REX1BD: variants seen among roughly 807,000 people sequenced by gnomAD.
REX1BD encodes the protein required for excision 1-B domain containing.
REX1BD carries 22 observed loss-of-function variants against 24.4 expected under a neutral mutation model. That is an observed-to-expected ratio of 0.90 (90% CI 0.64 to 1.29). The LOEUF (loss-of-function observed/expected upper bound fraction) is 1.29, where lower values mean the gene tolerates loss of function less well. REX1BD is among the 50% of genes most tolerant of loss of function. The pLI is 0.00. For synonymous variants in REX1BD, 146 were observed against 125.9 expected (o/e 1.16, Z -1.07); for missense variants, 293 against 285.3 (o/e 1.03, Z -0.19).
rs1975971894 is a variant in REX1BD at position 18,588,834 on chromosome 19, C to CCG, written c.34_35insGC (p.Pro12ArgfsTer59). ...CCGAGACCGCGGCGGAGCCTACGGT[C>CCG]CCTGCAGTGCCTGCTGCTGAGGAGG... On this transcript the variant is annotated frameshift_variant, in exon 1 of 5. Transcript: ENST00000358607. LOFTEE classifies it high-confidence loss of function. The CCG allele has an allele frequency of 6.5e-7, 1 of 1,533,194 alleles. No individual in the cohort carries two copies. The highest frequency in any genetic ancestry group is 1.2e-5 in the South Asian group (1 of 83,880). 95.0% of individuals were successfully genotyped at this position (1,533,194 alleles called of 1,614,324 possible).
At chr19:18,590,212 G>GTTTTTT (rs1491275825) in intron 3 of REX1BD, 1 of 69,792 alleles carries the variant, frequency 1.4e-5, no homozygotes, top group Non-Finnish European at 2.4e-5. Context: ...TTTCTTTCTG[G>GTTTTTT]TGTTTTTTTT....
rs3170474 is a variant in REX1BD, at chr19:18,592,267, T to C, written c.*87T>C. On this transcript the variant is annotated 3_prime_UTR_variant, in exon 5 of 5. Coordinates refer to ENST00000358607, the MANE Select transcript of REX1BD (RefSeq NM_001100418.2). ...GCCCTAACTGCCAGCTGGCTGGGGT[T>C]GCGCCCCACTGCGCTGCTGACCTTC... The C allele has an allele frequency of 0.59, 887,301 of 1,491,874 alleles. 263,237 individuals carry two copies. The highest frequency in any genetic ancestry group is 0.73 in the African/African-American group (52,825 of 72,638). The allele number at this position is 1,491,874 out of a possible 1,614,324, so 92.4% of individuals were successfully genotyped here. A position where few individuals can be genotyped will look rare whatever the true frequency, so the allele number is the denominator to read the frequency against.
intron 2 of REX1BD, 115 bp from the exon 3 acceptor site, chr19:18,589,298 C>G (rs1290519317): frequency 6.5e-7 from 1 of 1,541,388 alleles, no homozygotes; most frequent in African/African-American, 1.4e-5. Flanking sequence ...TCTCTCTCCT[C>G]CCCAAGAGCA....
At chr19:18,590,588 C>A in intron 3 of REX1BD, 1 of 392,646 alleles carries the variant, frequency 2.5e-6, no homozygotes, top group Non-Finnish European at 4.6e-6. Context: ...CCCACCCCTA[C>A]GGCCAATGCC....
rs537150436 is a variant in REX1BD, at chr19:18,588,895, C to A, written c.94C>A (p.Pro32Thr). The change falls in exon 1 of 5, where the codon CCC (proline) becomes ACC (threonine). Residue 32 changes from proline (P) to threonine (T), a missense_variant. Coordinates refer to ENST00000358607, the MANE Select transcript of REX1BD (RefSeq NM_001100418.2). ...TCGGGGACGCGAGGAGCCGGCGTGGCCCTGGGTGAGCCCAGGCCCAAGCGG... is the reference window on the plus strand; with the variant it reads ...TCGGGGACGCGAGGAGCCGGCGTGGACCTGGGTGAGCCCAGGCCCAAGCGG... ...EARGREEPAW[P>T]WKDAPIRTLV... is the part of the protein sequence containing the mutation. The A allele has an allele frequency of 3.3e-6, 5 of 1,531,780 alleles. No individual in the cohort carries two copies. In the Admixed American group the frequency reaches 7.9e-5, roughly 24 times the overall value. 94.9% of individuals were successfully genotyped at this position (1,531,780 alleles called of 1,614,324 possible).
At chr19:18,589,304 G>A (rs1975985170) in intron 2 of REX1BD, 109 bp from the exon 3 acceptor site, 2 of 1,542,656 alleles carry the variant, frequency 1.3e-6, no homozygotes, top group South Asian at 2.4e-5. Context: ...TCCTCCCCAA[G>A]AGCAGGGGTG....
At chr19:18,589,176 T>A in intron 2 of REX1BD, 99 bp downstream of exon 2, 2 of 1,484,200 alleles carry the variant, frequency 1.3e-6, no homozygotes, top group East Asian at 2.5e-5. Context: ...GCTGGGTCCT[T>A]GTGTGGCTGC....
chr19:18,589,196 T>C lies in REX1BD; in HGVS notation c.182+119T>C, dbSNP rs1038987560. On this transcript the variant is annotated intron_variant, in intron 2 of 4. Transcript: ENST00000358607. ...GTCCTTGTGTGGCTGCAGAGTCAGA[T>C]GGGGCGGGGATTTCGGGGCACCGGG... The C allele has an allele frequency of 4.7e-6, 7 of 1,497,302 alleles. No homozygotes were observed. The East Asian group carries it at 7.5e-5, about 16-fold the overall frequency. 92.8% of individuals were successfully genotyped at this position (1,497,302 alleles called of 1,614,324 possible). A position where few individuals can be genotyped will look rare whatever the true frequency, so the allele number is the denominator to read the frequency against.
In REX1BD at chr19:18,589,744, G is replaced by A. The variant is rs543767047; in HGVS notation, c.453+61G>A. ...GACCCTGGCCGGCTCCTCTCATGAC[G>A]CACCCCTGGTTGGGGGGTGGTCCCA... On this transcript the variant is annotated intron_variant, in intron 3 of 4. Coordinates refer to ENST00000358607, the MANE Select transcript of REX1BD (RefSeq NM_001100418.2). 6 of 1,432,562 alleles carry A rather than the reference G, an allele frequency of 4.2e-6. No homozygotes were observed. The African/African-American group carries it at 4.4e-5, about 10-fold the overall frequency. 88.7% of individuals were successfully genotyped at this position (1,432,562 alleles called of 1,614,324 possible).
intron 2 of REX1BD, 70 bp downstream of exon 2, chr19:18,589,147 G>T (rs1975980591): frequency 5.5e-6 from 8 of 1,462,628 alleles, no homozygotes; most frequent in Non-Finnish European, 7.2e-6. Flanking sequence ...TGTTCTCGGC[G>T]GGCGTGCCTG....
intron 4 of REX1BD, chr19:18,591,699 T>C: frequency 5.1e-6 from 1 of 195,366 alleles, no homozygotes; most frequent in Non-Finnish European, 1.1e-5. Context: ...CGGTCTTGGC[T>C]TACCGTAACC....
At chr19:18,590,220 T>TG (rs1334298289) in intron 3 of REX1BD, 5 of 99,966 alleles carry the variant, frequency 5.0e-5, no homozygotes, top group African/African-American at 3.7e-4. Flanking sequence ...TGGTGTTTTT[T>TG]TTTTTTTTTT....
chr19:18,591,953 C>G (rs1356512833), intron 4 of REX1BD, 155 bp from the exon 5 acceptor site: 1 of 780,170 alleles, frequency 1.3e-6, no homozygotes, highest in Non-Finnish European at 2.1e-6. Context: ...TCCCTAGCAC[C>G]TAAGTGTTCC....
rs769645084 is a variant in REX1BD, at chr19:18,589,476, C to T, written c.246C>T (p.Arg82=). Reference sequence around the variant, plus strand: ...GCGGCCTCAGGGTCCCCACATGCCGCAGAGGCCACCGCCAGTACCTGCGCA... The same window carrying T: ...GCGGCCTCAGGGTCCCCACATGCCGTAGAGGCCACCGCCAGTACCTGCGCA... The part of the protein sequence containing the change: ...WGRGLRVPTC[R]RGHRQYLRSG... Residue 82 remains arginine (R), a synonymous_variant, in exon 3 of 5, where the codon CGC becomes CGT. Transcript: ENST00000358607. The T allele has an allele frequency of 1.9e-6, 3 of 1,558,210 alleles. No homozygotes were observed. The highest frequency in any genetic ancestry group is 1.7e-6 in the Non-Finnish European group (2 of 1,152,870).
intron 4 of REX1BD, 33 bp from the exon 5 acceptor site, chr19:18,592,075 G>A: frequency 2.5e-6 from 4 of 1,613,424 alleles, no homozygotes; most frequent in Non-Finnish European, 2.5e-6. Context: ...ACCCCATCTG[G>A]GTTTTATTTA....
intron 3 of REX1BD, chr19:18,589,934 A>C: frequency 2.0e-6 from 1 of 501,960 alleles, no homozygotes; most frequent in South Asian, 3.6e-5. Context: ...CTCCGCCTAA[A>C]TGCTATTCCA....
intron 4 of REX1BD, chr19:18,591,785 G>A (rs972607622): frequency 2.4e-5 from 8 of 337,344 alleles, no homozygotes; most frequent in Non-Finnish European, 3.9e-5. Context: ...AGTAGAGACG[G>A]GGATTCGCCA....
At chr19:18,589,708 C>T (rs1975998421) in intron 3 of REX1BD, 25 bp downstream of exon 3, 1 of 1,454,170 alleles carries the variant, frequency 6.9e-7, no homozygotes, top group Non-Finnish European at 9.0e-7. Flanking sequence ...CCTTCCCCGC[C>T]GTGTCTCTAG....
Position 18,588,848 on chromosome 19 carries a change from C to G in REX1BD, c.47C>G (p.Ala16Gly). 1 of 1,533,512 alleles carries G rather than the reference C, an allele frequency of 6.5e-7. No individual in the cohort carries two copies. The highest frequency in any genetic ancestry group is 8.7e-7 in the Non-Finnish European group (1 of 1,146,028). 95.0% of individuals were successfully genotyped at this position (1,533,512 alleles called of 1,614,324 possible). Reference sequence around the variant, plus strand: ...GAGCCTACGGTCCCTGCAGTGCCTGCTGCTGAGGAGGCCACCGAAGCTCGG... The same window carrying G: ...GAGCCTACGGTCCCTGCAGTGCCTGGTGCTGAGGAGGCCACCGAAGCTCGG... ...AAEPTVPAVP[A>G]AEEATEARGR... Residue 16 changes from alanine to glycine, a missense_variant, in exon 1 of 5, where the codon GCT (alanine) becomes GGT (glycine). Ala to Gly is a moderately conservative substitution (Grantham distance 60). Transcript: ENST00000358607.
Sources: allele counts gnomAD v4.1 joint callset, GRCh38; gene constraint gnomAD v4.1.1; transcripts MANE v1.5; gene names NCBI Gene and HGNC (gene_info 2026-07-23, HGNC 2026-07-21).